The following CRACD variants were observed in gnomAD, a reference collection of about 807,000 sequenced individuals.
CRACD encodes the protein capping protein-inhibiting regulator of actin dynamics.
In CRACD, 56 loss-of-function variants were observed where a neutral mutation model predicts 106.8. The observed-to-expected ratio is 0.52, with a 90% CI of 0.42 to 0.66. The LOEUF is 0.66. Among genes scored for constraint, CRACD ranks in the 30% least tolerant of loss-of-function variants. CRACD has a pLI of 0.00. For missense variants in CRACD, 1,730 were observed against 1,623.2 expected (o/e 1.07, Z -1.13); for synonymous variants, 754 against 670.8 (o/e 1.12, Z -1.92).
intron 1 of CRACD, among the ~76,000 whole-genome samples, chr4:56,082,412 T>C (rs993266087): frequency 6.6e-6 from 1 of 152,138 alleles, no homozygotes; most frequent in Non-Finnish European, 1.5e-5. Flanking sequence ...GGCCATAAGT[T>C]TATGTTTTCA....
intron 1 of CRACD, among the ~76,000 whole-genome samples, chr4:56,150,938 A>G (rs910163834): frequency 2.6e-5 from 4 of 152,220 alleles, no homozygotes; most frequent in Non-Finnish European, 5.9e-5. Context: ...ACAGTTGTCT[A>G]AAATGGCTCT....
At chr4:56,325,467 A>G (rs189924230) in intron 10 of CRACD, among the ~76,000 whole-genome samples, 5 of 152,320 alleles carry the variant, frequency 3.3e-5, no homozygotes, top group Admixed American at 3.3e-4. Context: ...GGCAAAAGTG[A>G]GATGGTCTGT....
In CRACD at chr4:56,315,812, G is replaced by A. The variant is rs746345219; in HGVS notation, c.2310G>A (p.Gly770=). The part of the protein sequence containing the change: ...QPPPAGVREL[G]KGPEKSEMHR... ...CTCCTGCTGGTGTTCGCGAGCTCGG[G>A]AAGGGTCCGGAGAAGTCGGAGATGC... The change falls in exon 8 of 11, where the codon GGG becomes GGA. Residue 770 remains glycine (G), a synonymous_variant. Coordinates refer to ENST00000682029, the MANE Select transcript of CRACD (RefSeq NM_001393381.1). The surrounding 1 kb of genome is among the most constrained non-coding windows in gnomAD (Gnocchi z 4.1). The A allele has an allele frequency of 6.2e-7, 1 of 1,614,192 alleles. No individual in the cohort carries two copies. Among genetic ancestry groups the A allele is most frequent in the South Asian group, 1.1e-5 (1 of 91,090 alleles).
At chr4:56,123,059 A>G (rs1383816653) in intron 1 of CRACD, among the ~76,000 whole-genome samples, 1 of 152,218 alleles carries the variant, frequency 6.6e-6, no homozygotes, top group Non-Finnish European at 1.5e-5. Flanking sequence ...ATAGTTATCG[A>G]AGTAAGATAG....
At chr4:56,178,501 A>G (rs1191137404) in intron 1 of CRACD, among the ~76,000 whole-genome samples, 2 of 152,230 alleles carry the variant, frequency 1.3e-5, no homozygotes, top group Non-Finnish European at 2.9e-5. Flanking sequence ...TTTTAAAAAT[A>G]ACTTTTGTCC....
chr4:56,157,581 G>T (rs1735806074), intron 1 of CRACD, among the ~76,000 whole-genome samples: 1 of 152,002 alleles, frequency 6.6e-6, no homozygotes, highest in Non-Finnish European at 1.5e-5. Context: ...GATCTCAGTG[G>T]GTTGCCTAAA....
In CRACD at chr4:56,315,183, G is replaced by A. The variant is rs370638037; in HGVS notation, c.1681G>A (p.Ala561Thr). Residue 561 changes from alanine (A) to threonine (T), a missense_variant, in exon 8 of 11, where the codon GCA (alanine) becomes ACA (threonine). Physicochemically the swap from Ala to Thr is moderately conservative, Grantham distance 58. Transcript: ENST00000682029. This position sits in a 1 kb window ranked among gnomAD's most constrained non-coding sequence, Gnocchi z 4.1. Reference sequence around the variant, plus strand: ...AGTCAACCTGAGCCCCGTGACGCCCGCAAAGGACACGGGGCTCACCGCTGC... The same window carrying A: ...AGTCAACCTGAGCCCCGTGACGCCCACAAAGGACACGGGGCTCACCGCTGC... ...PKVNLSPVTP[A>T]KDTGLTAAPQ... The A allele has an allele frequency of 1.3e-6, 2 of 1,595,628 alleles. No individual in the cohort carries two copies. Among genetic ancestry groups the A allele is most frequent in the African/African-American group, 1.3e-5 (1 of 74,746 alleles).
chr4:56,271,105 C>CAAA (rs569383234), intron 2 of CRACD, among the ~76,000 whole-genome samples: 1 of 61,396 alleles, frequency 1.6e-5, no homozygotes. Context: ...AACTCCATCT[C>CAAA]AAAAAAAAAA....
intron 2 of CRACD, among the ~76,000 whole-genome samples, chr4:56,251,943 A>G (rs989324566): frequency 3.3e-5 from 5 of 152,224 alleles, no homozygotes; most frequent in African/African-American, 9.6e-5. Context: ...AGCAAGAAAT[A>G]TGTTTTATAT....
intron 1 of CRACD, among the ~76,000 whole-genome samples, chr4:56,051,939 T>C (rs1731891699): frequency 6.6e-6 from 1 of 152,216 alleles, no homozygotes; most frequent in African/African-American, 2.4e-5. Context: ...AACATTTTTG[T>C]GAGGATCAAA....
chr4:56,176,586 G>A (rs536550096), intron 1 of CRACD, among the ~76,000 whole-genome samples: 2 of 151,930 alleles, frequency 1.3e-5, no homozygotes, highest in South Asian at 2.1e-4. Context: ...CCACTACCAC[G>A]CCCGGCTAAT....
At position 56,232,094 on chromosome 4, in the gene CRACD, G is replaced by A. The variant is rs139881973; in HGVS notation, c.-188-40227G>A. The stretch of plus-strand genomic sequence containing the variant: ...GTAGGAGCATATGTACAGTAATTCC[G>A]CCTTCCTGCTCCTTATCGCTTCGTG... On this transcript the variant is annotated intron_variant, in intron 2 of 10. Transcript: ENST00000682029. Among the ~76,000 whole-genome samples the A allele has an allele frequency of 3.3e-4, 50 of 152,198 alleles. 1 individual carries two copies. In the East Asian group the frequency reaches 4.4e-3, roughly 14 times the overall value.
chr4:56,291,344 T>C (rs1577866119), intron 3 of CRACD, among the ~76,000 whole-genome samples: 1 of 152,292 alleles, frequency 6.6e-6, no homozygotes, highest in South Asian at 2.1e-4. Context: ...GTACAATTTG[T>C]GGTAAATTGC....
intron 1 of CRACD, among the ~76,000 whole-genome samples, chr4:56,165,172 A>G (rs916622909): frequency 9.2e-5 from 14 of 152,218 alleles, no homozygotes; most frequent in Admixed American, 1.3e-4. Context: ...GCCTGGGAAA[A>G]TGAAAGGTGC....
intron 1 of CRACD, among the ~76,000 whole-genome samples, chr4:56,173,052 G>A (rs1031409487): frequency 7.9e-5 from 12 of 152,188 alleles, no homozygotes; most frequent in African/African-American, 2.7e-4. Context: ...CACCGCACCC[G>A]GCCAACACCC....
rs1746683821 is a variant in CRACD at position 56,329,668 on chromosome 4, G to A, written c.*1864G>A. On this transcript the variant is annotated 3_prime_UTR_variant, in exon 11 of 11. Transcript: ENST00000682029. The stretch of plus-strand genomic sequence containing the variant: ...TAATGTTCATTTCTAAATCTTATAT[G>A]TAGGCATTTGTTAGTTCCAATGATT... Among the ~76,000 whole-genome samples the A allele has an allele frequency of 6.6e-6, 1 of 152,132 alleles. No individual in the cohort carries two copies. The highest frequency in any genetic ancestry group is 6.5e-5 in the Admixed American group (1 of 15,274).
intron 1 of CRACD, among the ~76,000 whole-genome samples, chr4:56,144,168 A>G (rs1253290182): frequency 6.6e-6 from 1 of 152,158 alleles, no homozygotes; most frequent in Non-Finnish European, 1.5e-5. Flanking sequence ...GCAAAGGAAA[A>G]ATGTTAAGTA....
At chr4:56,220,865 C>T (rs1039160964) in intron 2 of CRACD, among the ~76,000 whole-genome samples, 5 of 151,994 alleles carry the variant, frequency 3.3e-5, no homozygotes, top group Non-Finnish European at 5.9e-5. Flanking sequence ...CAAGTGAGGG[C>T]AGGCTTCCAA....
At chr4:56,075,391 C>A (rs188216268) in intron 1 of CRACD, among the ~76,000 whole-genome samples, 1 of 152,074 alleles carries the variant, frequency 6.6e-6, no homozygotes, top group Admixed American at 6.6e-5. Context: ...TTTAGGGATT[C>A]GACTTCTTCC....
Sources: gnomAD v4.1 joint callset for allele counts (sites outside exome capture counted in the v4.1 genomes callset) on GRCh38, gnomAD v4.1.1 for gene constraint, Gnocchi (gnomAD v3.1) non-coding constraint, MANE v1.5 for transcripts, NCBI Gene and HGNC (gene_info 2026-07-23, HGNC 2026-07-21) for gene names.